Variants in B3GALT1 observed in about 807,000 individuals in gnomAD.
B3GALT1 encodes UDP-Gal:betaGlcNAc beta 1,3-galactosyltransferase, polypeptide 1.
B3GALT1 carries 10 observed loss-of-function variants against 23.2 expected under a neutral mutation model. The ratio of observed to expected loss-of-function variants is 0.43; its 90% CI spans 0.27 to 0.73. The LOEUF is 0.73. Ranked by LOEUF, B3GALT1 falls within the 30% of genes least tolerant of loss-of-function variation. The pLI, the probability that B3GALT1 is intolerant of heterozygous loss-of-function variation, is 0.21. For missense variants in B3GALT1, 299 were observed against 405.4 expected (o/e 0.74, Z 2.25); for synonymous variants, 156 against 141.5 (o/e 1.10, Z -0.73).
intron 1 of B3GALT1, among the ~76,000 whole-genome samples, chr2:167,374,317 T>C (rs1307502487): frequency 6.6e-6 from 1 of 152,262 alleles, no homozygotes; most frequent in Non-Finnish European, 1.5e-5. Context: ...AGTTCTGCGA[T>C]GAACATGCAA....
chr2:167,692,919 C>T (rs1406340282), intron 3 of B3GALT1, among the ~76,000 whole-genome samples: 1 of 151,866 alleles, frequency 6.6e-6, no homozygotes, highest in Non-Finnish European at 1.5e-5. Flanking sequence ...TTCAAGTTCC[C>T]CAGATATGCA....
chr2:167,510,727 C>T (rs1236102226), intron 2 of B3GALT1, among the ~76,000 whole-genome samples: 2 of 152,024 alleles, frequency 1.3e-5, no homozygotes, highest in Non-Finnish European at 2.9e-5. Context: ...GGAAGAAGAG[C>T]AATTCCCGTG....
intron 1 of B3GALT1, among the ~76,000 whole-genome samples, chr2:167,329,699 A>G (rs2105238655): frequency 6.6e-6 from 1 of 152,300 alleles, no homozygotes; most frequent in East Asian, 1.9e-4. Flanking sequence ...GGGCTGGTCT[A>G]GTAGGGATTA....
At chr2:167,449,582 A>G (rs1027804244) in intron 1 of B3GALT1, among the ~76,000 whole-genome samples, 7 of 151,982 alleles carry the variant, frequency 4.6e-5, no homozygotes, top group African/African-American at 9.7e-5. Flanking sequence ...TGCATGCACT[A>G]TTTCTTTTTC....
intron 1 of B3GALT1, among the ~76,000 whole-genome samples, chr2:167,439,899 T>C (rs565421565): frequency 1.4e-4 from 22 of 152,024 alleles, no homozygotes; most frequent in African/African-American, 5.3e-4. Context: ...CATGAATCCC[T>C]ATGTAATAAA....
chr2:167,611,246 TCAC>T (rs1299999404), intron 2 of B3GALT1, among the ~76,000 whole-genome samples: 3 of 152,076 alleles, frequency 2.0e-5, no homozygotes, highest in African/African-American at 7.2e-5. Context: ...AGAAGTTGCT[TCAC>T]CAATCATATT....
chr2:167,603,930 G>T, intron 2 of B3GALT1, among the ~76,000 whole-genome samples: 1 of 150,918 alleles, frequency 6.6e-6, no homozygotes. Context: ...AAAAACGACT[G>T]CAATTTTGAA....
At chr2:167,846,990 A>C (rs547360539) in intron 4 of B3GALT1, among the ~76,000 whole-genome samples, 1 of 152,344 alleles carries the variant, frequency 6.6e-6, no homozygotes, top group African/African-American at 2.4e-5. Context: ...TTAAAGCAAC[A>C]GCAGTTAAAA....
At chr2:167,429,280 C>CAAAAAA (rs59299487) in intron 1 of B3GALT1, among the ~76,000 whole-genome samples, 4 of 88,864 alleles carry the variant, frequency 4.5e-5, no homozygotes, top group Non-Finnish European at 4.9e-5. Context: ...GACTCTGTCT[C>CAAAAAA]AAAAAAAAAA....
intron 1 of B3GALT1, among the ~76,000 whole-genome samples, chr2:167,458,307 A>G (rs895258347): frequency 9.2e-5 from 14 of 152,318 alleles, no homozygotes; most frequent in African/African-American, 3.1e-4. Flanking sequence ...TTAAGGCTAA[A>G]TAAGATTCCA....
At position 167,871,287 on chromosome 2, in the gene B3GALT1, C is replaced by CTAAG. The variant is rs1403865577; in HGVS notation, c.*1270_*1273dup. The CTAAG allele has an allele frequency of 6.6e-6, 1 of 152,128 alleles. No homozygotes were observed. Among genetic ancestry groups the CTAAG allele is most frequent in the Non-Finnish European group, 1.5e-5 (1 of 68,026 alleles). The allele number at this position is 152,128 out of a possible 1,614,324, so 9.4% of individuals were successfully genotyped here. A position where few individuals can be genotyped will look rare whatever the true frequency, so the allele number is the denominator to read the frequency against. The stretch of plus-strand genomic sequence containing the variant: ...GTGCTGTGAGAGCAAATTGCATTTG[C>CTAAG]TAAGTATTTTGAGATCCTTAGCTTA... On this transcript the variant is annotated 3_prime_UTR_variant, in exon 5 of 5. Transcript: ENST00000392690.
chr2:167,476,341 A>C (rs1282815081), intron 1 of B3GALT1, among the ~76,000 whole-genome samples: 1 of 152,230 alleles, frequency 6.6e-6, no homozygotes, highest in Non-Finnish European at 1.5e-5. Flanking sequence ...CATTTGTTTA[A>C]TGTCAGTAGA....
chr2:167,832,707 T>A (rs1430134021), intron 4 of B3GALT1, among the ~76,000 whole-genome samples: 1 of 152,230 alleles, frequency 6.6e-6, no homozygotes, highest in African/African-American at 2.4e-5. Flanking sequence ...ACTATGCAAT[T>A]GCATTAACAT....
At chr2:167,575,787 A>G (rs1334360472) in intron 2 of B3GALT1, among the ~76,000 whole-genome samples, 1 of 151,820 alleles carries the variant, frequency 6.6e-6, no homozygotes, top group African/African-American at 2.4e-5. Context: ...CATACAAAGA[A>G]CAAAAGAGGG....
chr2:167,587,364 C>T (rs1684600459), intron 2 of B3GALT1, among the ~76,000 whole-genome samples: 1 of 152,182 alleles, frequency 6.6e-6, no homozygotes, highest in Non-Finnish European at 1.5e-5. Flanking sequence ...TTCTTCTTAG[C>T]TGCTACAAAT....
chr2:167,320,344 C>A (rs535224943), intron 1 of B3GALT1, among the ~76,000 whole-genome samples: 8 of 152,032 alleles, frequency 5.3e-5, no homozygotes, highest in Admixed American at 2.0e-4. Context: ...AGCACACCAC[C>A]ATACCTGGCT....
chr2:167,482,066 A>G (rs947363135), intron 1 of B3GALT1, among the ~76,000 whole-genome samples: 4 of 152,218 alleles, frequency 2.6e-5, no homozygotes, highest in South Asian at 4.1e-4. Context: ...GTAGAAGGGT[A>G]GGAAATGATT....
At chr2:167,600,621 A>G (rs1009214247) in intron 2 of B3GALT1, among the ~76,000 whole-genome samples, 1 of 152,184 alleles carries the variant, frequency 6.6e-6, no homozygotes, top group African/African-American at 2.4e-5. Flanking sequence ...TATCTCATAT[A>G]ATGGAACTAT....
At chr2:167,331,000 G>GT (rs1303220749) in intron 1 of B3GALT1, among the ~76,000 whole-genome samples, 1 of 151,676 alleles carries the variant, frequency 6.6e-6, no homozygotes, top group Non-Finnish European at 1.5e-5. Context: ...ATGGACGGAT[G>GT]TTTTTTTCTG....
Sources: gnomAD v4.1 joint callset for allele counts (sites outside exome capture counted in the v4.1 genomes callset) on GRCh38, gnomAD v4.1.1 for gene constraint, MANE v1.5 for transcripts, NCBI Gene and HGNC (gene_info 2026-07-23, HGNC 2026-07-21) for gene names.